Variants in ZYG11A observed in about 807,000 individuals in gnomAD.
ZYG11A encodes protein zyg-11 homolog A.
A neutral mutation model predicts 77.2 loss-of-function variants in ZYG11A; 62 were observed. The observed-to-expected ratio is 0.80, with a 90% CI of 0.65 to 0.99. ZYG11A has a LOEUF of 0.99. Ranked by LOEUF, ZYG11A falls within the 50% of genes least tolerant of loss-of-function variation. ZYG11A has a pLI of 0.00. For synonymous variants in ZYG11A, 315 were observed against 324.6 expected, an observed-to-expected ratio of 0.97 and a Z score of 0.32; for missense variants, 828 against 896.8, an observed-to-expected ratio of 0.92 and a Z score of 0.98.
At chr1:52,882,330 A>G (rs796845418) in intron 11 of ZYG11A, among the ~76,000 whole-genome samples, 20 of 152,332 alleles carry the variant, frequency 1.3e-4, no homozygotes, top group African/African-American at 4.8e-4. Flanking sequence ...TTCTAAGTGT[A>G]TACTCAAGGT....
intron 13 of ZYG11A, among the ~76,000 whole-genome samples, chr1:52,888,591 CA>C (rs1646486964): frequency 6.6e-6 from 1 of 152,206 alleles, no homozygotes; most frequent in South Asian, 2.1e-4. Flanking sequence ...CTTGTGACCT[CA>C]GGTGATCTGC....
intron 13 of ZYG11A, among the ~76,000 whole-genome samples, chr1:52,890,880 T>G (rs925067375): frequency 2.6e-5 from 4 of 151,920 alleles, no homozygotes; most frequent in African/African-American, 9.7e-5. Context: ...TATTTCTCTT[T>G]AACTGGGTCT....
intron 8 of ZYG11A, among the ~76,000 whole-genome samples, chr1:52,870,489 C>G (rs1456262171): frequency 6.6e-6 from 1 of 152,218 alleles, no homozygotes; most frequent in South Asian, 2.1e-4. Context: ...AATCTCGGCA[C>G]TTTGGGAGGC....
rs945172448 is a variant in ZYG11A, at chr1:52,853,493, T to G, written c.91-972T>G. Reference sequence around the variant, plus strand: ...AGTGTCCCAAATGTTGCATTGAAATTGTCAGATTTCTTGTTTGTATTCTTC... The same window carrying G: ...AGTGTCCCAAATGTTGCATTGAAATGGTCAGATTTCTTGTTTGTATTCTTC... On this transcript the variant is annotated intron_variant, in intron 1 of 13. Transcript: ENST00000371528. Among the ~76,000 whole-genome samples, 4 of 152,320 alleles carry G rather than the reference T, an allele frequency of 2.6e-5. No individual in the cohort carries two copies. In the South Asian group the frequency reaches 8.3e-4, roughly 32 times the overall value.
At chr1:52,868,018 G>A (rs989241531) in intron 8 of ZYG11A, among the ~76,000 whole-genome samples, 3 of 139,328 alleles carry the variant, frequency 2.2e-5, no homozygotes, top group African/African-American at 8.4e-5. Context: ...CCAGGCTGGA[G>A]TGCAGTGGCG....
At chr1:52,846,310 T>TTTATTTATATA (rs1645577922) in intron 1 of ZYG11A, among the ~76,000 whole-genome samples, 2 of 35,822 alleles carry the variant, frequency 5.6e-5, no homozygotes, top group African/African-American at 1.7e-4. Context: ...TTTTAAATTT[T>TTTATTTATATA]TATATATATA....
At chr1:52,843,809 C>T (rs920192965) in intron 1 of ZYG11A, among the ~76,000 whole-genome samples, 1 of 151,878 alleles carries the variant, frequency 6.6e-6, no homozygotes, top group Non-Finnish European at 1.5e-5. Flanking sequence ...GCCTCAGCCT[C>T]CCGAGTAGGT....
At chr1:52,874,439 A>G (rs943447229) in intron 8 of ZYG11A, among the ~76,000 whole-genome samples, 34 of 151,340 alleles carry the variant, frequency 2.2e-4, no homozygotes, top group African/African-American at 7.8e-4. Context: ...TTTGATAGAG[A>G]CAGAGTCTAG....
chr1:52,861,650 G>A (rs1034722246), intron 4 of ZYG11A, among the ~76,000 whole-genome samples: 2 of 152,056 alleles, frequency 1.3e-5, no homozygotes, highest in African/African-American at 4.8e-5. Flanking sequence ...GTTGCAGTGA[G>A]CCGAGATTGT....
chr1:52,878,972 A>AC lies in ZYG11A; in HGVS notation c.1749+1003_1749+1004insC, dbSNP rs1351561687. Among the ~76,000 whole-genome samples, 35 of 63,970 alleles carry AC rather than the reference A, an allele frequency of 5.5e-4. 1 individual carries two copies. The highest frequency in any genetic ancestry group is 1.1e-3 in the African/African-American group (33 of 30,098). 42.0% of individuals were successfully genotyped at this position (63,970 alleles called of 152,430 possible). A position where few individuals can be genotyped will look rare whatever the true frequency, so the allele number is the denominator to read the frequency against. ...CTCAAAAAAAAAAAAAAAAAAAAAA[A>AC]AAACAAACCAAAAAACTCAAACTCA... On this transcript the variant is annotated intron_variant, in intron 10 of 13. Transcript: ENST00000371528.
At chr1:52,843,556 C>T (rs1645495915) in intron 1 of ZYG11A, among the ~76,000 whole-genome samples, 2 of 151,892 alleles carry the variant, frequency 1.3e-5, no homozygotes, top group Non-Finnish European at 2.9e-5. Context: ...TCCGCGCGTC[C>T]GCCCCCGTCC....
rs1444775803 is a variant in ZYG11A, at chr1:52,892,885, C to T, written c.2208C>T (p.Ala736=). 2 of 1,551,828 alleles carry T rather than the reference C, an allele frequency of 1.3e-6. No individual in the cohort carries two copies. The highest frequency in any genetic ancestry group is 2.4e-5 in the East Asian group (1 of 40,920). Residue 736 remains alanine (A), a synonymous_variant, in exon 14 of 14, where the codon GCC becomes GCT. Coordinates refer to ENST00000371528, the MANE Select transcript of ZYG11A (RefSeq NM_001004339.3). ...CCCCCAAAGCACAGCAGATTGCAGC[C>T]TCCATTCTGGATGACTTCAGAATGC... ...EATPKAQQIA[A]SILDDFRMHF... is the part of the protein sequence containing the mutation.
chr1:52,869,727 G>C lies in ZYG11A; in HGVS notation c.1542+1950G>C, dbSNP rs555125149. ...TTTTCTATTCCACAAAACCGCCATT[G>C]TCATCATGGCCCGTTCTCAATGAGC... On this transcript the variant is annotated intron_variant, in intron 8 of 13. Coordinates refer to ENST00000371528, the MANE Select transcript of ZYG11A (RefSeq NM_001004339.3). Among the ~76,000 whole-genome samples the C allele has an allele frequency of 1.0e-3, 151 of 147,688 alleles. 6 individuals carry two copies. The highest frequency in any genetic ancestry group is 3.8e-3 in the African/African-American group (143 of 37,216).
chr1:52,878,071 T>C (rs1646294142), intron 10 of ZYG11A, 102 bp downstream of exon 10: 2 of 937,914 alleles, frequency 2.1e-6, no homozygotes, highest in East Asian at 2.6e-5. Context: ...GCAATTTACA[T>C]GTATAAACTC....
Position 52,842,862 on chromosome 1 carries a change from A to G in ZYG11A, c.-22A>G. ...CGGCTCGACGCCGGCTCTCTTTTTG[A>G]CGCCCCGCCGCCGGGGTTGCCATGG... On this transcript the variant is annotated 5_prime_UTR_variant, in exon 1 of 14. Transcript: ENST00000371528. The G allele has an allele frequency of 6.5e-7, 1 of 1,526,926 alleles. No individual in the cohort carries two copies. Among genetic ancestry groups the G allele is most frequent in the Admixed American group, 2.1e-5 (1 of 47,968 alleles). The allele number at this position is 1,526,926 out of a possible 1,614,324, so 94.6% of individuals were successfully genotyped here. A position where few individuals can be genotyped will look rare whatever the true frequency, so the allele number is the denominator to read the frequency against.
chr1:52,857,872 C>T, intron 3 of ZYG11A, 123 bp downstream of exon 3: 2 of 729,460 alleles, frequency 2.7e-6, no homozygotes, highest in African/African-American at 1.8e-5. Flanking sequence ...CCTTAAAGAG[C>T]TTTTTTAATA....
chr1:52,886,205 TAC>T (rs1169926701), intron 12 of ZYG11A, among the ~76,000 whole-genome samples: 22 of 152,188 alleles, frequency 1.4e-4, no homozygotes, highest in Non-Finnish European at 8.8e-5. Flanking sequence ...GTGCTGGGAT[TAC>T]AGGCGTGAGC....
chr1:52,853,273 G>A (rs1014438791), intron 1 of ZYG11A, among the ~76,000 whole-genome samples: 6 of 152,186 alleles, frequency 3.9e-5, no homozygotes, highest in Non-Finnish European at 5.9e-5. Flanking sequence ...ACTTTATACC[G>A]TTGTAATTCC....
chr1:52,868,082 C>T (rs1047847240), intron 8 of ZYG11A, among the ~76,000 whole-genome samples: 1 of 148,932 alleles, frequency 6.7e-6, no homozygotes, highest in African/African-American at 2.5e-5. Flanking sequence ...TCCCCTGCCT[C>T]AGCCTTCTGA....
Sources: gnomAD v4.1 joint callset for allele counts (sites outside exome capture counted in the v4.1 genomes callset) on GRCh38, gnomAD v4.1.1 for gene constraint, MANE v1.5 for transcripts, NCBI Gene and HGNC (gene_info 2026-07-23, HGNC 2026-07-21) for gene names.